Variants in STRN3 observed in about 807,000 individuals in gnomAD.
The protein encoded by STRN3 is striatin 3.
A neutral mutation model predicts 95.6 loss-of-function variants in STRN3; 29 were observed. The observed-to-expected ratio is 0.30, with a 90% CI of 0.23 to 0.41. The LOEUF (loss-of-function observed/expected upper bound fraction) is 0.41. Among genes scored for constraint, STRN3 ranks in the 10% least tolerant of loss-of-function variants. STRN3 has a pLI of 1.00. For synonymous variants in STRN3, 331 were observed against 357.6 expected, an observed-to-expected ratio of 0.93 and a Z score of 0.84; for missense variants, 890 against 972.1, an observed-to-expected ratio of 0.92 and a Z score of 1.12.
chr14:31,006,815 CA>C (rs1882740021), intron 1 of STRN3, among the ~76,000 whole-genome samples: 1 of 152,098 alleles, frequency 6.6e-6, no homozygotes, highest in African/African-American at 2.4e-5. Context: ...GAAACATCTT[CA>C]AAATGTTAAT....
chr14:30,895,471 G>C lies in STRN3; in HGVS notation c.2334C>G (p.His778Gln). The C allele has an allele frequency of 1.2e-6, 2 of 1,614,056 alleles. No homozygotes were observed. Among genetic ancestry groups the C allele is most frequent in the Non-Finnish European group, 1.7e-6 (2 of 1,179,994 alleles). Reference protein sequence around the residue: ...LDESIYDVAFHSSKAYIASAG... With the variant: ...LDESIYDVAFQSSKAYIASAG... ...CACTAGCTATATATGCTTTTGACGA[G>C]TGGAAAGCAACATCATAAATTGATT... Residue 778 changes from histidine to glutamine, a missense_variant, in exon 18 of 18, where the codon CAC becomes CAG. Physicochemically the swap from His to Gln is conservative, Grantham distance 24. Transcript: ENST00000357479.
intron 1 of STRN3, among the ~76,000 whole-genome samples, chr14:30,989,654 T>C (rs1881857385): frequency 6.6e-6 from 1 of 151,982 alleles, no homozygotes; most frequent in Admixed American, 6.6e-5. Flanking sequence ...GAGATGGGGT[T>C]TCACTGTGTT....
chr14:30,935,130 T>G (rs778236135), intron 7 of STRN3, 33 bp downstream of exon 7: 40 of 1,608,672 alleles, frequency 2.5e-5, no homozygotes, highest in Middle Eastern at 1.7e-4. Context: ...AGGGCTAGAT[T>G]TCCTCCCACC....
chr14:30,900,109 G>A (rs985898893), intron 16 of STRN3, among the ~76,000 whole-genome samples: 3 of 152,108 alleles, frequency 2.0e-5, no homozygotes, highest in Admixed American at 1.3e-4. Flanking sequence ...TATAATCCCA[G>A]CACTTTGGGA....
chr14:30,964,292 G>C (rs1385575075), intron 1 of STRN3: 5 of 152,218 alleles, frequency 3.3e-5, no homozygotes, highest in Admixed American at 3.3e-4. Context: ...GGGATTTGAA[G>C]CCAGTTGGAT....
At chr14:31,021,465 A>C (rs1454751064) in intron 1 of STRN3, among the ~76,000 whole-genome samples, 1 of 152,238 alleles carries the variant, frequency 6.6e-6, no homozygotes, top group Non-Finnish European at 1.5e-5. Context: ...AATTAAATGA[A>C]TACTGAAATA....
At chr14:30,900,978 AACT>A (rs2138949236) in intron 16 of STRN3, among the ~76,000 whole-genome samples, 1 of 152,324 alleles carries the variant, frequency 6.6e-6, no homozygotes, top group South Asian at 2.1e-4. Context: ...CTTTTAATAT[AACT>A]ACTAAAATTC....
intron 7 of STRN3, among the ~76,000 whole-genome samples, chr14:30,929,965 A>ACAAACAAAAAAAAAAAAAAAC (rs79477795): frequency 9.8e-5 from 14 of 143,348 alleles, no homozygotes; most frequent in East Asian, 2.0e-4. Flanking sequence ...AAAAAAAAAA[A>ACAAACAAAAAAAAAAAAAAAC]AAAAAAAAAA....
chr14:30,927,608 ACTTT>A (rs1878246672), intron 8 of STRN3, among the ~76,000 whole-genome samples: 1 of 149,848 alleles, frequency 6.7e-6, no homozygotes. Flanking sequence ...AAAATAAGCT[ACTTT>A]ATTTCTTTAA....
intron 13 of STRN3, 132 bp from the exon 14 acceptor site, chr14:30,907,176 G>C: frequency 1.1e-6 from 1 of 941,230 alleles, no homozygotes; most frequent in Admixed American, 3.0e-5. Context: ...AAACTAAAGT[G>C]TACATAGTGG....
At position 30,899,741 on chromosome 14, in the gene STRN3, A is replaced by AC. The variant is rs527615990; in HGVS notation, c.2137+2794dup. Among the ~76,000 whole-genome samples the AC allele has an allele frequency of 2.8e-3, 418 of 148,020 alleles. 1 individual carries two copies. Among genetic ancestry groups the AC allele is most frequent in the East Asian group, 0.019 (97 of 4,982 alleles). On this transcript the variant is annotated intron_variant, in intron 16 of 17. Coordinates refer to ENST00000357479, the MANE Select transcript of STRN3 (RefSeq NM_001083893.2). ...TAAGGCAAAGCTTCATCTTGCACATACCCCCCCCACCCCCTCTTATTTCCT... is the reference window on the plus strand; with the variant it reads ...TAAGGCAAAGCTTCATCTTGCACATACCCCCCCCCACCCCCTCTTATTTCCT...
Position 30,935,169 on chromosome 14 carries a change from C to T in STRN3, c.982G>A (p.Glu328Lys). ...TATTTCTTTATCACCTTACCCCATT[C>T]TGTGCCATCCCCCGAACTCCGTGCT... ...GEARSSGDGT[E>K]WDKDDLSPTA... The change falls in exon 7 of 18, where the codon GAA becomes AAA. Residue 328 changes from glutamate to lysine, a missense_variant. Around this residue, in one of 3 missense-constraint regions of STRN3, gnomAD observed 526 missense variants for 526.3 expected, o/e 1.00. Coordinates refer to ENST00000357479, the MANE Select transcript of STRN3 (RefSeq NM_001083893.2). 1 of 1,613,970 alleles carries T rather than the reference C, an allele frequency of 6.2e-7. No individual in the cohort carries two copies. The highest frequency in any genetic ancestry group is 2.2e-5 in the East Asian group (1 of 44,874).
chr14:30,905,429 T>C lies in STRN3; in HGVS notation c.2018A>G (p.Gln673Arg). Residue 673 changes from glutamine to arginine, a missense_variant, in exon 15 of 18, where the codon CAG (glutamine) becomes CGG (arginine). Transcript: ENST00000357479. ...TSQSLVILSSQVDSGLQSNNH... is the reference protein window; with the variant it reads ...TSQSLVILSSRVDSGLQSNNH... ...CCATGAAAACTTACCAGAATCTACC[T>C]GTGATGAAAGTATCACCAATGACTG... 9 of 1,601,142 alleles carry C rather than the reference T, an allele frequency of 5.6e-6. No homozygotes were observed. Among genetic ancestry groups the C allele is most frequent in the Middle Eastern group, 1.7e-4 (1 of 6,046 alleles).
At chr14:30,975,017 A>G (rs973992801) in intron 1 of STRN3, among the ~76,000 whole-genome samples, 17 of 150,120 alleles carry the variant, frequency 1.1e-4, no homozygotes, top group Admixed American at 2.0e-4. Context: ...GAAGCAATAT[A>G]ATATTATGTG....
intron 8 of STRN3, among the ~76,000 whole-genome samples, chr14:30,919,933 A>C (rs903449368): frequency 3.9e-5 from 6 of 152,322 alleles, no homozygotes; most frequent in Admixed American, 2.6e-4. Context: ...GAAAGAAAAT[A>C]AGTTTTAAGA....
At position 30,972,645 on chromosome 14, in the gene STRN3, T is replaced by TA. The variant is rs959248618; in HGVS notation, c.283-16404dup. 7.1e-3 allele frequency among the ~76,000 whole-genome samples: 1,010 copies of TA among 142,520 alleles called. 12 individuals are homozygous for TA. The highest frequency in any genetic ancestry group is 0.022 in the African/African-American group (853 of 39,042). The allele number at this position is 142,520 out of a possible 152,430, so 93.5% of individuals were successfully genotyped here. A position where few individuals can be genotyped will look rare whatever the true frequency, so the allele number is the denominator to read the frequency against. ...GCAAGACTCCATCTCTACAAAAAAT[T>TA]AAAAAAAAAAAAATTAGCTGGGTAT... On this transcript the variant is annotated intron_variant, in intron 1 of 17. Transcript: ENST00000357479.
chr14:30,947,047 C>T (rs1566451166), intron 5 of STRN3, 43 bp downstream of exon 5: 3 of 1,364,780 alleles, frequency 2.2e-6, no homozygotes, highest in Non-Finnish European at 2.9e-6. Context: ...ATAACAATAT[C>T]CATAATATCC....
chr14:30,913,748 A>T (rs1896665670), intron 9 of STRN3, 91 bp from the exon 10 acceptor site: 1 of 1,341,200 alleles, frequency 7.5e-7, no homozygotes, highest in Admixed American at 2.2e-5. Flanking sequence ...AACAGTTACA[A>T]TATTCAGTAA....
intron 1 of STRN3, among the ~76,000 whole-genome samples, chr14:30,959,145 G>GC (rs1880062366): frequency 6.6e-6 from 1 of 152,174 alleles, no homozygotes; most frequent in Non-Finnish European, 1.5e-5. Flanking sequence ...GGCCAACACA[G>GC]CAACACCTCG....
Sources: allele counts gnomAD v4.1 joint callset (sites outside exome capture counted in the v4.1 genomes callset), GRCh38; gene constraint gnomAD v4.1.1; regional missense constraint gnomAD v4.1.1; transcripts MANE v1.5; gene names NCBI Gene and HGNC (gene_info 2026-07-23, HGNC 2026-07-21).